Variants in OASL observed in about 807,000 individuals in gnomAD.
OASL encodes 2'-5'-oligoadenylate synthase-like protein.
In OASL, 28 loss-of-function variants were observed where a neutral mutation model predicts 35.3. The observed-to-expected ratio is 0.79, with a 90% CI of 0.59 to 1.09. The LOEUF (loss-of-function observed/expected upper bound fraction) is 1.09. Ranked by LOEUF, OASL falls within the 50% of genes least tolerant of loss-of-function variation. OASL has a pLI of 0.00. For synonymous variants in OASL, 252 were observed against 254.6 expected, an observed-to-expected ratio of 0.99 and a Z score of 0.10; for missense variants, 620 against 635.2, an observed-to-expected ratio of 0.98 and a Z score of 0.26.
At chr12:121,035,906 G>A (rs1461224009) in intron 1 of OASL, among the ~76,000 whole-genome samples, 1 of 152,164 alleles carries the variant, frequency 6.6e-6, no homozygotes, top group East Asian at 1.9e-4. Context: ...TGCCCAGGCT[G>A]GAGTGCAATG....
intron 1 of OASL, among the ~76,000 whole-genome samples, chr12:121,035,953 G>A (rs1869938298): frequency 6.6e-6 from 1 of 152,166 alleles, no homozygotes; most frequent in African/African-American, 2.4e-5. Context: ...GACCTCCTGG[G>A]CTTAAGCAAT....
intron 4 of OASL, among the ~76,000 whole-genome samples, 186 bp downstream of exon 4, chr12:121,027,390 C>A (rs1424486506): frequency 6.6e-6 from 1 of 152,312 alleles, no homozygotes; most frequent in African/African-American, 2.4e-5. Context: ...CGCCCCATGG[C>A]CCCCCAGTGA....
At position 121,025,694 on chromosome 12, in the gene OASL, G is replaced by A. The variant is rs1290334413; in HGVS notation, c.900-1557C>T. On this transcript the variant is annotated intron_variant, in intron 4 of 5. Coordinates refer to ENST00000257570, the Ensembl canonical transcript of OASL. Reference sequence around the variant, plus strand: ...GGAGGATAGCTTGAACCCAGGAGGTGGTGGTTGCAGTGAGCCAAGATCGTG... The same window carrying A: ...GGAGGATAGCTTGAACCCAGGAGGTAGTGGTTGCAGTGAGCCAAGATCGTG... Among the ~76,000 whole-genome samples, 4 of 151,688 alleles carry A rather than the reference G, an allele frequency of 2.6e-5. No homozygotes were observed. The East Asian group carries it at 7.8e-4, about 29-fold the overall frequency.
At chr12:121,037,599 C>T (rs909728796) in intron 1 of OASL, among the ~76,000 whole-genome samples, 2 of 150,056 alleles carry the variant, frequency 1.3e-5, no homozygotes, top group Non-Finnish European at 1.5e-5. Flanking sequence ...ACGGTGAAAC[C>T]CTGTCTCTAC....
chr12:121,028,627 C>T (rs568576718), intron 3 of OASL, among the ~76,000 whole-genome samples: 2 of 134,406 alleles, frequency 1.5e-5, no homozygotes, highest in Non-Finnish European at 3.2e-5. Context: ...GCCCCCCCCG[C>T]CCGCCCCCCC....
intron 5 of OASL, among the ~76,000 whole-genome samples, chr12:121,022,767 C>G (rs1471761758): frequency 1.3e-5 from 2 of 152,170 alleles, no homozygotes; most frequent in Non-Finnish European, 2.9e-5. Context: ...CTATATCTCC[C>G]CCCGGCCTTT....
chr12:121,037,630 G>A (rs888736002), intron 1 of OASL, among the ~76,000 whole-genome samples: 8 of 151,818 alleles, frequency 5.3e-5, no homozygotes, highest in African/African-American at 1.7e-4. Flanking sequence ...AAAATTAGCC[G>A]GGCGTGGTGG....
exon 6 of OASL, chr12:121,019,130 T>C (rs1056830590): frequency 6.6e-6 from 1 of 152,172 alleles, no homozygotes; most frequent in Non-Finnish European, 1.5e-5. Flanking sequence ...TCATTCTTTT[T>C]TTTATTTTAA....
At chr12:121,033,382 C>G in intron 2 of OASL, 79 bp downstream of exon 2, 1 of 1,441,762 alleles carries the variant, frequency 6.9e-7, no homozygotes, top group Non-Finnish European at 9.6e-7. Flanking sequence ...GTGCACGTGG[C>G]CATGAGTAAA....
At chr12:121,037,785 A>T (rs1369634091) in intron 1 of OASL, among the ~76,000 whole-genome samples, 2 of 139,058 alleles carry the variant, frequency 1.4e-5, no homozygotes, top group African/African-American at 5.4e-5. Flanking sequence ...AAAAAAAAAC[A>T]AAAACAAAAA....
exon 1 of OASL, chr12:121,038,865 G>T: frequency 6.2e-7 from 1 of 1,614,138 alleles, no homozygotes; most frequent in Non-Finnish European, 8.5e-7. Context: ...GGTCCGCACA[G>T]CGTCTAGCAC....
At chr12:121,018,394 G>A (rs1003670149), downstream of OASL, among the ~76,000 whole-genome samples, 3 of 151,930 alleles carry the variant, frequency 2.0e-5, no homozygotes, top group African/African-American at 4.8e-5. Context: ...CTCTCTTCCC[G>A]CTTCTGCTAT....
At chr12:121,018,813 G>T (rs61953351), downstream of OASL, among the ~76,000 whole-genome samples, 35,985 of 149,428 alleles carry the variant, frequency 0.24, 4,592 homozygotes, top group African/African-American at 0.28. Flanking sequence ...GAGGTTGCAG[G>T]GAGCTGAGAT....
In OASL at chr12:121,027,815, A is replaced by T. The variant is rs1869554368; in HGVS notation, c.660T>A (p.Tyr220Ter). 1.2e-6 allele frequency: 2 copies of T among 1,612,486 alleles called. No homozygotes were observed. Among genetic ancestry groups the T allele is most frequent in the African/African-American group, 1.3e-5 (1 of 75,030 alleles). The change falls in exon 4 of 6, where the codon TAT becomes TAA. Residue 220 changes from tyrosine (Y) to a stop codon, truncating the protein, a stop_gained and splice_region_variant. Transcript: ENST00000257570. LOFTEE classifies it high-confidence loss of function. ...TGGCTCTGGGGGACCTGGCTTTCAC[A>T]TACTGTTGAAAGAGATGGGAAGACA...
intron 1 of OASL, among the ~76,000 whole-genome samples, chr12:121,034,022 T>A (rs953479718): frequency 6.6e-6 from 1 of 152,080 alleles, no homozygotes; most frequent in African/African-American, 2.4e-5. Flanking sequence ...ATCTCTAAAA[T>A]GAAAGCAATG....
chr12:121,037,963 A>T (rs1297990767), intron 1 of OASL, among the ~76,000 whole-genome samples: 1 of 151,530 alleles, frequency 6.6e-6, no homozygotes, highest in East Asian at 1.9e-4. Flanking sequence ...ATGGTGGTGC[A>T]TGCCTGTAAT....
At chr12:121,021,324 A>G (rs765578717) in intron 5 of OASL, among the ~76,000 whole-genome samples, 2 of 152,186 alleles carry the variant, frequency 1.3e-5, no homozygotes, top group Non-Finnish European at 2.9e-5. Context: ...AGGGTTAGGT[A>G]ATTTACTGAA....
In OASL at chr12:121,020,722, G is replaced by A. The variant is rs1409498442; in HGVS notation, c.1384C>T (p.Gln462Ter). 1.9e-6 allele frequency: 3 copies of A among 1,614,206 alleles called. No individual in the cohort carries two copies. The South Asian group carries it at 3.3e-5, about 18-fold the overall frequency. Residue 462 changes from glutamine (Q) to a stop codon, truncating the protein, a stop_gained, in exon 6 of 6, where the codon CAG (glutamine) becomes TAG (stop). Transcript: ENST00000257570. LOFTEE classifies it low-confidence loss of function (END_TRUNC). Reference sequence around the variant, plus strand: ...GGAAGCCCCTGCTGGTCTTCAATCTGCTGCTTCAGACCCAGGATGAAGCTG... The same window carrying A: ...GGAAGCCCCTGCTGGTCTTCAATCTACTGCTTCAGACCCAGGATGAAGCTG...
At chr12:121,022,190 G>A (rs1342722020) in intron 5 of OASL, among the ~76,000 whole-genome samples, 4 of 149,688 alleles carry the variant, frequency 2.7e-5, no homozygotes, top group African/African-American at 9.8e-5. Flanking sequence ...AGGTTCAAGC[G>A]ATTCTCCTGC....
Sources: gnomAD v4.1 joint callset for allele counts (sites outside exome capture counted in the v4.1 genomes callset) on GRCh38, gnomAD v4.1.1 for gene constraint, MANE v1.5 for transcripts, NCBI Gene and HGNC (gene_info 2026-07-23, HGNC 2026-07-21) for gene names.